INAVA: variants seen among roughly 807,000 people sequenced by gnomAD.
The protein encoded by INAVA is innate immunity activator protein.
Under a neutral mutation model 55.3 loss-of-function variants are expected in INAVA, and 32 were observed. That is an observed-to-expected ratio of 0.58 (90% CI 0.44 to 0.78). INAVA has a LOEUF of 0.78. Among genes scored for constraint, INAVA ranks in the 30% least tolerant of loss-of-function variants. INAVA has a pLI of 0.00. For missense variants in INAVA, 756 were observed against 786.4 expected, an observed-to-expected ratio of 0.96 and a Z score of 0.46; for synonymous variants, 294 against 329.4, an observed-to-expected ratio of 0.89 and a Z score of 1.16.
At chr1:200,904,540 G>A (rs116313820) in intron 5 of INAVA, among the ~76,000 whole-genome samples, 2,063 of 152,270 alleles carry the variant, frequency 0.014, 30 homozygotes, top group South Asian at 0.033. Context: ...AGCCACATGC[G>A]GCTAGTGGCA....
chr1:200,904,986 A>T (rs600110), intron 5 of INAVA, among the ~76,000 whole-genome samples: 151,793 of 152,354 alleles, frequency 1, 75,620 homozygotes, highest in Middle Eastern at 1. Context: ...TCTTAAGCAA[A>T]CCTCCTGCCT....
chr1:200,912,017 C>T lies in INAVA; in HGVS notation c.1524C>T (p.His508=), dbSNP rs1211989494. Residue 508 remains histidine (H), a synonymous_variant, in exon 9 of 10, where the codon CAC becomes CAT. Transcript: ENST00000413687. ...TGTCCGAGGAGCTCAAGTGGTGGCA[C>T]GAGCGTGCACGCCTCCGGAGCACCC... The part of the protein sequence containing the change: ...AAVSEELKWW[H]ERARLRSTRP... 5 of 1,538,198 alleles carry T rather than the reference C, an allele frequency of 3.3e-6. No homozygotes were observed. The South Asian group carries it at 3.6e-5, about 11-fold the overall frequency.
At chr1:200,907,744 C>G in intron 5 of INAVA, 90 bp from the exon 6 acceptor site, 1 of 985,208 alleles carries the variant, frequency 1.0e-6, no homozygotes, top group East Asian at 2.5e-5. Context: ...GGGGAGTGAT[C>G]AGGCCTGAGC....
intron 5 of INAVA, among the ~76,000 whole-genome samples, chr1:200,905,106 G>C (rs921104597): frequency 6.6e-6 from 1 of 152,000 alleles, no homozygotes; most frequent in Non-Finnish European, 1.5e-5. Context: ...AGTAAGAGGG[G>C]GTCTCTTTAA....
rs146052217 is a variant in INAVA, at chr1:200,911,634, C to A, written c.1141C>A (p.His381Asn). 6.2e-7 allele frequency: 1 copy of A among 1,614,062 alleles called. No homozygotes were observed. The highest frequency in any genetic ancestry group is 8.5e-7 in the Non-Finnish European group (1 of 1,179,966). Residue 381 changes from histidine to asparagine, a missense_variant, in exon 9 of 10, where the codon CAC (histidine) becomes AAC (asparagine). Physicochemically the swap from His to Asn is moderately conservative, Grantham distance 68. Coordinates refer to ENST00000413687, the MANE Select transcript of INAVA (RefSeq NM_001142569.3). ...DSGSDVSSIS[H>N]PTSPGSSSPD... ...TGGCTCTGACGTCTCCAGCATCTCCCACCCCACTTCGCCGGGCAGCAGCAG... is the reference window on the plus strand; with the variant it reads ...TGGCTCTGACGTCTCCAGCATCTCCAACCCCACTTCGCCGGGCAGCAGCAG...
chr1:200,896,963 C>T (rs915882462), intron 1 of INAVA, among the ~76,000 whole-genome samples: 5 of 152,248 alleles, frequency 3.3e-5, no homozygotes, highest in Non-Finnish European at 5.9e-5. Flanking sequence ...GGTGGCTGAG[C>T]TCTCTTTCCA....
chr1:200,912,188 T>C (rs1293129581), intron 9 of INAVA, 51 bp downstream of exon 9: 3 of 1,473,054 alleles, frequency 2.0e-6, no homozygotes, highest in Non-Finnish European at 2.7e-6. Context: ...GCTGTTTTGT[T>C]GGGGAGGGGC....
chr1:200,895,544 G>T (rs894029075), intron 1 of INAVA, among the ~76,000 whole-genome samples: 1 of 151,964 alleles, frequency 6.6e-6, no homozygotes, highest in East Asian at 1.9e-4. Flanking sequence ...TAGGGAGGGG[G>T]TGGGGATGTT....
At chr1:200,900,712 G>T (rs999898452) in intron 4 of INAVA, among the ~76,000 whole-genome samples, 1 of 152,190 alleles carries the variant, frequency 6.6e-6, no homozygotes, top group Non-Finnish European at 1.5e-5. Context: ...GTGGGCTGGT[G>T]GGTGGGTGCC....
chr1:200,899,358 T>G, intron 2 of INAVA, 115 bp from the exon 3 acceptor site: 3 of 1,110,672 alleles, frequency 2.7e-6, no homozygotes, highest in East Asian at 3.2e-5. Context: ...AGGCATGAGA[T>G]GTGTGTGTGT....
Position 200,907,889 on chromosome 1 carries a change from T to C in INAVA, c.574+2T>C. ...CAGATGGGCTCCTCCTGGAGGAAGGTGAGAAGGACGTTTGGGGGACTATTG... is the reference window on the plus strand; with the variant it reads ...CAGATGGGCTCCTCCTGGAGGAAGGCGAGAAGGACGTTTGGGGGACTATTG... On this transcript the variant is annotated splice_donor_variant, in intron 6 of 9. Coordinates refer to ENST00000413687, the MANE Select transcript of INAVA (RefSeq NM_001142569.3). LOFTEE classifies it high-confidence loss of function. 1.2e-6 allele frequency: 2 copies of C among 1,611,620 alleles called. No individual in the cohort carries two copies. The highest frequency in any genetic ancestry group is 1.7e-6 in the Non-Finnish European group (2 of 1,178,260).
intron 1 of INAVA, among the ~76,000 whole-genome samples, chr1:200,895,471 G>A (rs555448634): frequency 4.9e-4 from 74 of 152,158 alleles, no homozygotes; most frequent in Non-Finnish European, 9.3e-4. Flanking sequence ...TTGTTCAGCC[G>A]GGTGGGCTGC....
At chr1:200,895,916 T>C (rs1325598261) in intron 1 of INAVA, among the ~76,000 whole-genome samples, 1 of 152,130 alleles carries the variant, frequency 6.6e-6, no homozygotes, top group East Asian at 1.9e-4. Flanking sequence ...GCTCTGGGCA[T>C]CTGACGCTGT....
At chr1:200,892,789 G>T (rs1668262524), upstream of INAVA, among the ~76,000 whole-genome samples, 1 of 152,210 alleles carries the variant, frequency 6.6e-6, no homozygotes, top group South Asian at 2.1e-4. Context: ...GGGGTTCTTG[G>T]CAGGAGGTTT....
At chr1:200,899,097 G>A (rs1653104954) in intron 2 of INAVA, among the ~76,000 whole-genome samples, 1 of 152,102 alleles carries the variant, frequency 6.6e-6, no homozygotes, top group Admixed American at 6.5e-5. Flanking sequence ...ATGTGTGTGT[G>A]CAAGAGAGAG....
At chr1:200,903,643 A>G (rs1653359825) in intron 5 of INAVA, among the ~76,000 whole-genome samples, 2 of 151,612 alleles carry the variant, frequency 1.3e-5, no homozygotes, top group South Asian at 4.2e-4. Flanking sequence ...CATCTCTACT[A>G]AAAATACAAA....
chr1:200,913,173 C>G (rs1371487755), intron 9 of INAVA, among the ~76,000 whole-genome samples: 1 of 152,194 alleles, frequency 6.6e-6, no homozygotes, highest in Non-Finnish European at 1.5e-5. Context: ...TCCGAGGCCG[C>G]GCCCTCCAGC....
At chr1:200,902,929 G>A (rs910246410) in intron 5 of INAVA, 1 of 152,346 alleles carries the variant, frequency 6.6e-6, no homozygotes, top group African/African-American at 2.4e-5. Flanking sequence ...AGGAGGATGA[G>A]GTTCTGAAAC....
rs1557969835 is a variant in INAVA, at chr1:200,911,180, CT to C, written c.960-272del. On this transcript the variant is annotated intron_variant, in intron 8 of 9. Transcript: ENST00000413687. The stretch of plus-strand genomic sequence containing the variant: ...TACTTTAAAAAAAGTACTTAATGTG[CT>C]ACTTGATGTAGCACACTTTACACGA... 3.0e-3 allele frequency among the ~76,000 whole-genome samples: 437 copies of C among 147,406 alleles called. 2 individuals are homozygous for C. Among genetic ancestry groups the C allele is most frequent in the African/African-American group, 0.011 (410 of 37,966 alleles).
Sources: allele counts gnomAD v4.1 joint callset (sites outside exome capture counted in the v4.1 genomes callset), GRCh38; gene constraint gnomAD v4.1.1; transcripts MANE v1.5; gene names NCBI Gene and HGNC (gene_info 2026-07-23, HGNC 2026-07-21).